Variants in SUV39H2 observed in about 807,000 individuals in gnomAD.
SUV39H2 encodes SUV39H2 histone lysine methyltransferase.
A neutral mutation model predicts 47.5 loss-of-function variants in SUV39H2; 10 were observed. That is an observed-to-expected ratio of 0.21 (90% CI 0.13 to 0.36). SUV39H2 has a LOEUF of 0.36. Among genes scored for constraint, SUV39H2 ranks in the 10% least tolerant of loss-of-function variants. The pLI, the probability that SUV39H2 is intolerant of heterozygous loss-of-function variation, is 1.00. For missense variants in SUV39H2, 266 were observed against 487.4 expected, an observed-to-expected ratio of 0.55 and a Z score of 4.28; for synonymous variants, 159 against 166.8, an observed-to-expected ratio of 0.95 and a Z score of 0.36.
intron 2 of SUV39H2, among the ~76,000 whole-genome samples, chr10:14,888,033 G>T (rs1050395772): frequency 6.6e-6 from 1 of 152,178 alleles, no homozygotes; most frequent in Non-Finnish European, 1.5e-5. Flanking sequence ...GGCGGGGTGG[G>T]CAGGCCCCAG....
chr10:14,892,493 C>A (rs1833419272), intron 2 of SUV39H2, among the ~76,000 whole-genome samples: 1 of 152,198 alleles, frequency 6.6e-6, no homozygotes, highest in Admixed American at 6.5e-5. Context: ...TCTTAGCTCC[C>A]AGCTTTTGCC....
intron 1 of SUV39H2, chr10:14,879,158 G>C: frequency 3.3e-6 from 4 of 1,207,732 alleles, no homozygotes; most frequent in Non-Finnish European, 4.1e-6. Flanking sequence ...GGGCACTTCG[G>C]AAGTGGAGCG....
chr10:14,899,365 T>C, intron 3 of SUV39H2, 174 bp from the exon 4 acceptor site: 1 of 727,320 alleles, frequency 1.4e-6, no homozygotes, highest in Non-Finnish European at 2.3e-6. Flanking sequence ...TTTCTTCCCC[T>C]CATTTTCCCA....
rs764962720 is a variant in SUV39H2 at position 14,889,215 on chromosome 10, G to A, written c.177+7570G>A. Among the ~76,000 whole-genome samples the A allele has an allele frequency of 1.8e-4, 28 of 152,120 alleles. 1 individual carries two copies. The highest frequency in any genetic ancestry group is 1.3e-4 in the Non-Finnish European group (9 of 68,022). Reference sequence around the variant, plus strand: ...ACGAGAGGGCTACATGGGTATAAGGGTGTTTATAATTTTTTTCAAGTTTTT... The same window carrying A: ...ACGAGAGGGCTACATGGGTATAAGGATGTTTATAATTTTTTTCAAGTTTTT... On this transcript the variant is annotated intron_variant, in intron 2 of 5. Coordinates refer to ENST00000354919, the MANE Select transcript of SUV39H2 (RefSeq NM_001193424.2).
intron 2 of SUV39H2, among the ~76,000 whole-genome samples, chr10:14,884,899 C>T (rs1482396692): frequency 2.6e-5 from 4 of 152,162 alleles, no homozygotes; most frequent in Non-Finnish European, 5.9e-5. Flanking sequence ...CAGGGTGTTA[C>T]TAGCATTAAA....
intron 2 of SUV39H2, among the ~76,000 whole-genome samples, chr10:14,883,183 C>G (rs1833093660): frequency 6.6e-6 from 1 of 152,072 alleles, no homozygotes; most frequent in African/African-American, 2.4e-5. Flanking sequence ...TTTTTCTTCT[C>G]TGATGTCTTG....
At position 14,897,050 on chromosome 10, in the gene SUV39H2, G is replaced by A. The variant is rs765148218; in HGVS notation, c.382G>A (p.Val128Met). The A allele has an allele frequency of 6.2e-7, 1 of 1,614,084 alleles. No homozygotes were observed. Among genetic ancestry groups the A allele is most frequent in the Non-Finnish European group, 8.5e-7 (1 of 1,180,026 alleles). ...TLKPAIAEYI[V>M]KKAKQRIALQ... ...GAAACCTGCCATTGCTGAGTACATT[G>A]TGAAGAAGGCTAAACAAAGGATAGC... is the stretch of plus-strand genomic sequence containing the variant. Residue 128 changes from valine to methionine, a missense_variant, in exon 3 of 6, where the codon GTG becomes ATG. Around this residue, in one of 4 missense-constraint regions of SUV39H2, gnomAD observed 91 missense variants for 110.9 expected, o/e 0.82. Transcript: ENST00000354919.
chr10:14,885,164 T>TA (rs1191930530), intron 2 of SUV39H2, among the ~76,000 whole-genome samples: 2 of 152,198 alleles, frequency 1.3e-5, no homozygotes, highest in African/African-American at 4.8e-5. Flanking sequence ...TACTTGTATG[T>TA]GTTTGGCTCA....
chr10:14,882,621 C>T (rs1833072522), intron 2 of SUV39H2, among the ~76,000 whole-genome samples: 1 of 152,202 alleles, frequency 6.6e-6, no homozygotes, highest in Admixed American at 6.5e-5. Flanking sequence ...TTCTACCTGA[C>T]AAGCTTTTTA....
chr10:14,881,637 G>C lies in SUV39H2; in HGVS notation c.169G>C (p.Val57Leu). The C allele has an allele frequency of 6.3e-7, 1 of 1,574,866 alleles. No homozygotes were observed. The highest frequency in any genetic ancestry group is 8.6e-7 in the Non-Finnish European group (1 of 1,165,278). Residue 57 changes from valine to leucine, a missense_variant, in exon 2 of 6, where the codon GTA (valine) becomes CTA (leucine). By Grantham distance (32) the Val-to-Leu change is conservative (BLOSUM62 1). This residue lies in a region of SUV39H2 where 32 missense variants were observed against 77.2 expected (regional missense o/e 0.41). Coordinates refer to ENST00000354919, the MANE Select transcript of SUV39H2 (RefSeq NM_001193424.2). Reference protein sequence around the residue: ...YEVEYLCDYKVVKDMEYYLVK... With the variant: ...YEVEYLCDYKLVKDMEYYLVK... ...GGTGGAATACTTGTGTGACTACAAG[G>C]TAGTAAAGGTAAGGCAAATATCTAG...
chr10:14,887,568 C>T (rs561746451), intron 2 of SUV39H2, among the ~76,000 whole-genome samples: 19 of 152,258 alleles, frequency 1.2e-4, no homozygotes, highest in Non-Finnish European at 2.2e-4. Context: ...TAACTAGAAA[C>T]ATAGATCCTA....
At chr10:14,901,334 CT>C in intron 5 of SUV39H2, 72 bp downstream of exon 5, 2 of 1,582,986 alleles carry the variant, frequency 1.3e-6, no homozygotes, top group Non-Finnish European at 1.7e-6. Flanking sequence ...AGGAACAGAC[CT>C]TAGATATTTG....
At chr10:14,899,275 G>A (rs911550454) in intron 3 of SUV39H2, 1 of 702,002 alleles carries the variant, frequency 1.4e-6, no homozygotes, top group South Asian at 1.5e-5. Flanking sequence ...AGTCATGATG[G>A]CACCACCGCA....
intron 2 of SUV39H2, among the ~76,000 whole-genome samples, chr10:14,882,371 A>G (rs1833063742): frequency 6.6e-6 from 1 of 152,172 alleles, no homozygotes; most frequent in African/African-American, 2.4e-5. Flanking sequence ...CATCTTCTAT[A>G]TTGAATCAGT....
chr10:14,896,625 T>C lies in SUV39H2; in HGVS notation c.178-221T>C, dbSNP rs193062934. On this transcript the variant is annotated intron_variant, in intron 2 of 5. Coordinates refer to ENST00000354919, the MANE Select transcript of SUV39H2 (RefSeq NM_001193424.2). ...AAACTCTTTAGCCTCTTATCAAACA[T>C]GTTATGCCACATCTAAATTCCATAT... Among the ~76,000 whole-genome samples the C allele has an allele frequency of 2.7e-3, 412 of 152,330 alleles. 2 individuals carry two copies. The highest frequency in any genetic ancestry group is 9.4e-3 in the African/African-American group (391 of 41,572).
chr10:14,895,866 T>C (rs1274222555), intron 2 of SUV39H2, among the ~76,000 whole-genome samples: 1 of 152,104 alleles, frequency 6.6e-6, no homozygotes, highest in Non-Finnish European at 1.5e-5. Flanking sequence ...TTAAGTTACT[T>C]AGTGTTCTTT....
At chr10:14,882,165 T>C (rs1441513089) in intron 2 of SUV39H2, among the ~76,000 whole-genome samples, 1 of 152,238 alleles carries the variant, frequency 6.6e-6, no homozygotes, top group Admixed American at 6.5e-5. Context: ...GTTTCACTTC[T>C]CTAAGCCTTC....
intron 2 of SUV39H2, among the ~76,000 whole-genome samples, chr10:14,888,585 G>T (rs949815465): frequency 6.6e-6 from 1 of 151,788 alleles, no homozygotes; most frequent in Non-Finnish European, 1.5e-5. Flanking sequence ...GCAGTGAGCC[G>T]AGTTTGCACT....
At chr10:14,881,192 G>A (rs1318392003) in intron 1 of SUV39H2, among the ~76,000 whole-genome samples, 2 of 152,134 alleles carry the variant, frequency 1.3e-5, no homozygotes, top group Non-Finnish European at 2.9e-5. Context: ...CTGTTGACCT[G>A]CATCTGTATA....
Sources: allele counts gnomAD v4.1 joint callset (sites outside exome capture counted in the v4.1 genomes callset), GRCh38; gene constraint gnomAD v4.1.1; regional missense constraint gnomAD v4.1.1; transcripts MANE v1.5; gene names NCBI Gene and HGNC (gene_info 2026-07-23, HGNC 2026-07-21).